The following FGF14 variants were observed in gnomAD, a reference collection of about 807,000 sequenced individuals.
FGF14 encodes fibroblast growth factor homologous factor 4.
In FGF14, 5 loss-of-function variants were observed where a neutral mutation model predicts 25.5. The ratio of observed to expected loss-of-function variants is 0.20; its 90% CI spans 0.10 to 0.41. The LOEUF is 0.41. FGF14 is among the 10% of genes least tolerant of loss of function. FGF14 has a pLI of 1.00. For synonymous variants in FGF14, 138 were observed against 118.3 expected, an observed-to-expected ratio of 1.17 and a Z score of -1.08; for missense variants, 222 against 320.1, an observed-to-expected ratio of 0.69 and a Z score of 2.34.
chr13:101,757,217 G>A (rs1444506829), intron 3 of FGF14, among the ~76,000 whole-genome samples: 1 of 152,046 alleles, frequency 6.6e-6, no homozygotes, highest in African/African-American at 2.4e-5. Context: ...GAATATGTTT[G>A]TCTTATTTCT....
intron 1 of FGF14, among the ~76,000 whole-genome samples, chr13:101,982,118 G>C (rs557512555): frequency 6.6e-6 from 1 of 152,278 alleles, no homozygotes; most frequent in South Asian, 2.1e-4. Flanking sequence ...CGATTTTAAG[G>C]AGTGATGCTA....
At chr13:102,253,200 G>A (rs1052873982) in intron 1 of FGF14, among the ~76,000 whole-genome samples, 3 of 152,092 alleles carry the variant, frequency 2.0e-5, no homozygotes, top group Admixed American at 2.0e-4. Context: ...TGGGATTGCT[G>A]GATCAAATGG....
chr13:102,030,462 C>T (rs1386060893), intron 1 of FGF14, among the ~76,000 whole-genome samples: 4 of 151,940 alleles, frequency 2.6e-5, no homozygotes, highest in Non-Finnish European at 5.9e-5. Flanking sequence ...AACCAAGGCA[C>T]AGGAAAAGGT....
chr13:101,968,673 C>CAGAAAAA, intron 1 of FGF14, among the ~76,000 whole-genome samples: 1 of 79,056 alleles, frequency 1.3e-5, no homozygotes, highest in Non-Finnish European at 2.6e-5. Flanking sequence ...ACTCCGTCTC[C>CAGAAAAA]AAAAAAAAAA....
intron 1 of FGF14, among the ~76,000 whole-genome samples, chr13:101,903,572 G>A (rs1027765237): frequency 2.0e-5 from 3 of 151,992 alleles, no homozygotes; most frequent in Non-Finnish European, 4.4e-5. Context: ...ATTCAAATCT[G>A]TGAATACAGG....
At chr13:102,044,622 T>C (rs1387910879) in intron 1 of FGF14, among the ~76,000 whole-genome samples, 2 of 152,182 alleles carry the variant, frequency 1.3e-5, no homozygotes, top group African/African-American at 4.8e-5. Flanking sequence ...GTTTAAAAAC[T>C]GCCTTAAAGT....
intron 1 of FGF14, among the ~76,000 whole-genome samples, chr13:102,121,763 A>G (rs541838319): frequency 2.0e-5 from 3 of 152,322 alleles, no homozygotes; most frequent in African/African-American, 4.8e-5. Context: ...AGCTTCTGCT[A>G]TATCGAGTGT....
At chr13:101,866,379 C>T (rs991272749) in intron 3 of FGF14, among the ~76,000 whole-genome samples, 1 of 152,092 alleles carries the variant, frequency 6.6e-6, no homozygotes, top group African/African-American at 2.4e-5. Context: ...ATGAGTCATA[C>T]TAACTATGCT....
intron 3 of FGF14, among the ~76,000 whole-genome samples, chr13:101,844,208 A>G (rs2043333152): frequency 6.6e-6 from 1 of 152,040 alleles, no homozygotes; most frequent in Non-Finnish European, 1.5e-5. Context: ...ATTGCTAACA[A>G]TTGGGGGATT....
At chr13:102,024,249 A>G (rs1243807285) in intron 1 of FGF14, among the ~76,000 whole-genome samples, 2 of 152,062 alleles carry the variant, frequency 1.3e-5, no homozygotes, top group Non-Finnish European at 2.9e-5. Context: ...CCAGCAACGC[A>G]TGAGGATTCT....
At chr13:101,795,910 T>C (rs960891540) in intron 3 of FGF14, among the ~76,000 whole-genome samples, 1 of 152,236 alleles carries the variant, frequency 6.6e-6, no homozygotes, top group South Asian at 2.1e-4. Context: ...TAATCTTGTG[T>C]GTTTTCTCTG....
chr13:102,112,929 T>C (rs1225839828), intron 1 of FGF14, among the ~76,000 whole-genome samples: 10 of 152,194 alleles, frequency 6.6e-5, no homozygotes, highest in African/African-American at 2.4e-4. Flanking sequence ...GGGGACATAA[T>C]GCACTCTAAG....
Position 101,858,817 on chromosome 13 carries a change from T to C in FGF14, c.408+9908A>G, listed in dbSNP as rs368262132. Among the ~76,000 whole-genome samples the C allele has an allele frequency of 1.1e-4, 16 of 152,256 alleles. No individual in the cohort carries two copies. The South Asian group carries it at 1.7e-3, about 16-fold the overall frequency. ...CATGTAGAAATAACAAAGCTCTTTT[T>C]CTAATTATAATTATTAATGCTCTTG... On this transcript the variant is annotated intron_variant, in intron 3 of 4. Transcript: ENST00000376143.
At chr13:102,096,799 G>A (rs1566680169) in intron 1 of FGF14, among the ~76,000 whole-genome samples, 1 of 152,108 alleles carries the variant, frequency 6.6e-6, no homozygotes, top group Non-Finnish European at 1.5e-5. Context: ...GATTCCTTAT[G>A]CAGTCAGGAA....
At chr13:101,797,455 C>G (rs1188642698) in intron 3 of FGF14, among the ~76,000 whole-genome samples, 1 of 151,952 alleles carries the variant, frequency 6.6e-6, no homozygotes, top group Non-Finnish European at 1.5e-5. Context: ...GGTCAATTTT[C>G]TCATAAAATA....
chr13:101,872,807 T>C (rs2140468037), intron 2 of FGF14, among the ~76,000 whole-genome samples: 1 of 152,226 alleles, frequency 6.6e-6, no homozygotes, highest in East Asian at 1.9e-4. Context: ...TACAGTGCAC[T>C]TGAAATGCAA....
chr13:102,246,414 G>C (rs564000305), intron 1 of FGF14, among the ~76,000 whole-genome samples: 1 of 152,034 alleles, frequency 6.6e-6, no homozygotes, highest in Admixed American at 6.6e-5. Context: ...AAGGTGAGTT[G>C]GTTTGAAAGT....
At chr13:102,139,939 T>G (rs1041631030) in intron 1 of FGF14, among the ~76,000 whole-genome samples, 1 of 152,114 alleles carries the variant, frequency 6.6e-6, no homozygotes, top group Admixed American at 6.5e-5. Flanking sequence ...GTAATTGTTT[T>G]GCATGAAACA....
intron 1 of FGF14, among the ~76,000 whole-genome samples, chr13:102,337,481 ACTC>A (rs1197477808): frequency 6.6e-6 from 1 of 152,136 alleles, no homozygotes; most frequent in African/African-American, 2.4e-5. Context: ...GATGGAATCT[ACTC>A]CTGATGGAAG....
Sources: gnomAD v4.1 joint callset for allele counts (sites outside exome capture counted in the v4.1 genomes callset) on GRCh38, gnomAD v4.1.1 for gene constraint, MANE v1.5 for transcripts, NCBI Gene and HGNC (gene_info 2026-07-23, HGNC 2026-07-21) for gene names.